The following KDM5A variants were observed in gnomAD, a reference collection of about 807,000 sequenced individuals.
KDM5A encodes lysine demethylase 5A.
In KDM5A, 42 loss-of-function variants were observed where a neutral mutation model predicts 193.5. The observed-to-expected ratio is 0.22, with a 90% CI of 0.17 to 0.28. The LOEUF (loss-of-function observed/expected upper bound fraction) is 0.28, where lower values mean the gene tolerates loss of function less well. Among genes scored for constraint, KDM5A ranks in the 10% least tolerant of loss-of-function variants. KDM5A has a pLI of 1.00. For synonymous variants in KDM5A, 796 were observed against 718.1 expected, an observed-to-expected ratio of 1.11 and a Z score of -1.73; for missense variants, 1,692 against 2,055.1, an observed-to-expected ratio of 0.82 and a Z score of 3.42.
At chr12:359,644 A>C (rs1314586065) in intron 5 of KDM5A, among the ~76,000 whole-genome samples, 1 of 149,178 alleles carries the variant, frequency 6.7e-6, no homozygotes, top group Non-Finnish European at 1.5e-5. Context: ...TGGGAGGCTG[A>C]GGTGGGAGGA....
rs1591892983 is a variant in KDM5A at position 285,603 on chromosome 12, A to G, written c.4926T>C (p.Gly1642=). Reference sequence around the variant, plus strand: ...CATTTTCAGCCATTTCTGGAGATACACCCACACAAACTTGATGAAACCACT... The same window carrying G: ...CATTTTCAGCCATTTCTGGAGATACGCCCACACAAACTTGATGAAACCACT... ...CDEWFHQVCV[G]VSPEMAENED... The change falls in exon 28 of 28, where the codon GGT becomes GGC. Residue 1642 remains glycine, a synonymous_variant. Transcript: ENST00000399788. The G allele has an allele frequency of 1.2e-6, 2 of 1,614,050 alleles. No individual in the cohort carries two copies. Among genetic ancestry groups the G allele is most frequent in the East Asian group, 4.5e-5 (2 of 44,876 alleles).
chr12:353,969 A>G, intron 8 of KDM5A, 107 bp downstream of exon 8: 2 of 921,710 alleles, frequency 2.2e-6, no homozygotes, highest in Admixed American at 2.1e-5. Flanking sequence ...CATAATGAAG[A>G]CAGAATGACA....
chr12:327,288 G>T (rs4980880), intron 14 of KDM5A, among the ~76,000 whole-genome samples: 129,197 of 152,262 alleles, frequency 0.85, 55,055 homozygotes, highest in East Asian at 0.92. Context: ...TGAGGACATA[G>T]CACAAAATCG....
At position 383,898 on chromosome 12, in the gene KDM5A, G is replaced by A. The variant is rs546870681; in HGVS notation, c.366+133C>T. The A allele has an allele frequency of 1.2e-5, 12 of 976,802 alleles. No homozygotes were observed. In the East Asian group the frequency reaches 2.3e-4, roughly 19 times the overall value. 60.5% of individuals were successfully genotyped at this position (976,802 alleles called of 1,614,324 possible). On this transcript the variant is annotated intron_variant, in intron 3 of 27. Transcript: ENST00000399788. ...CGAGTAGCTGGGATTACAGGCATGC[G>A]CCACCATACCCAGCTAGTGCATTTC...
chr12:319,963 C>T (rs1034800782), intron 18 of KDM5A, among the ~76,000 whole-genome samples: 1 of 151,954 alleles, frequency 6.6e-6, no homozygotes, highest in African/African-American at 2.4e-5. Flanking sequence ...GAAGAAAGGG[C>T]CGAGACTCCT....
chr12:315,887 G>A (rs1024911761), intron 19 of KDM5A, among the ~76,000 whole-genome samples: 2 of 152,130 alleles, frequency 1.3e-5, no homozygotes, highest in Non-Finnish European at 2.9e-5. Context: ...TCTAACAGGC[G>A]GATGATATTT....
intron 5 of KDM5A, among the ~76,000 whole-genome samples, chr12:357,373 C>T (rs1218069944): frequency 1.3e-5 from 2 of 151,114 alleles, no homozygotes; most frequent in Non-Finnish European, 2.9e-5. Flanking sequence ...TGTTGGCACA[C>T]ACCTGAAGTC....
chr12:373,382 A>C (rs1426664519), intron 3 of KDM5A, among the ~76,000 whole-genome samples: 1 of 151,690 alleles, frequency 6.6e-6, no homozygotes, highest in Non-Finnish European at 1.5e-5. Context: ...ATTTGCATAG[A>C]GGTGTTTATT....
chr12:303,062 T>C (rs929576053), intron 24 of KDM5A, among the ~76,000 whole-genome samples: 1 of 152,192 alleles, frequency 6.6e-6, no homozygotes, highest in African/African-American at 2.4e-5. Flanking sequence ...TTTTACACTG[T>C]TGGTGGGAGT....
intron 18 of KDM5A, among the ~76,000 whole-genome samples, chr12:318,664 A>G (rs1012171656): frequency 6.6e-6 from 1 of 152,222 alleles, no homozygotes; most frequent in African/African-American, 2.4e-5. Flanking sequence ...CTTTTAAAAT[A>G]TAGTTGATTC....
At chr12:305,133 T>C (rs1221969571) in intron 24 of KDM5A, among the ~76,000 whole-genome samples, 3 of 152,164 alleles carry the variant, frequency 2.0e-5, no homozygotes, top group African/African-American at 4.8e-5. Flanking sequence ...AAGATGATAT[T>C]CAAGAACTGT....
chr12:345,564 T>C (rs1222380089), intron 10 of KDM5A, among the ~76,000 whole-genome samples: 2 of 152,092 alleles, frequency 1.3e-5, no homozygotes, highest in Non-Finnish European at 2.9e-5. Context: ...TAACAAACTG[T>C]CTCTCAGACC....
chr12:334,154 A>G (rs1392281399), intron 11 of KDM5A, 87 bp downstream of exon 11: 6 of 1,230,248 alleles, frequency 4.9e-6, no homozygotes, highest in Middle Eastern at 1.9e-4. Flanking sequence ...ACTTCTGTCT[A>G]TAAACCTTAA....
intron 5 of KDM5A, among the ~76,000 whole-genome samples, chr12:362,642 T>C (rs1044932734): frequency 2.0e-5 from 3 of 152,246 alleles, no homozygotes; most frequent in African/African-American, 7.2e-5. Flanking sequence ...AACAAAGAAC[T>C]TTCTAAATCA....
At chr12:365,226 G>C (rs1428697469) in intron 4 of KDM5A, among the ~76,000 whole-genome samples, 2 of 152,006 alleles carry the variant, frequency 1.3e-5, no homozygotes, top group South Asian at 4.2e-4. Context: ...CTAATTTTTT[G>C]TATTTTTAGT....
intron 2 of KDM5A, among the ~76,000 whole-genome samples, chr12:384,977 G>A (rs933843793): frequency 3.9e-5 from 6 of 152,110 alleles, no homozygotes; most frequent in Non-Finnish European, 8.8e-5. Flanking sequence ...ATCACCTGAG[G>A]TCAGGAGTTC....
At chr12:322,242 A>G (rs1943726291) in intron 17 of KDM5A, 175 bp downstream of exon 17, 1 of 632,860 alleles carries the variant, frequency 1.6e-6, no homozygotes, top group Non-Finnish European at 2.8e-6. Flanking sequence ...TGCAGGCTGG[A>G]GCAAGAAAGA....
intron 24 of KDM5A, among the ~76,000 whole-genome samples, chr12:303,154 C>T (rs1943465509): frequency 6.6e-6 from 1 of 152,146 alleles, no homozygotes; most frequent in Non-Finnish European, 1.5e-5. Flanking sequence ...CCCAGCAATC[C>T]CATTACTGGG....
chr12:383,697 T>G (rs1944604713), intron 3 of KDM5A, among the ~76,000 whole-genome samples: 1 of 152,176 alleles, frequency 6.6e-6, no homozygotes, highest in South Asian at 2.1e-4. Context: ...AAAATAAGTT[T>G]TAAAGATAAC....
Sources: gnomAD v4.1 joint callset for allele counts (sites outside exome capture counted in the v4.1 genomes callset) on GRCh38, gnomAD v4.1.1 for gene constraint, MANE v1.5 for transcripts, NCBI Gene and HGNC (gene_info 2026-07-23, HGNC 2026-07-21) for gene names.